The following PLXNC1 variants were observed in gnomAD, a reference collection of about 807,000 sequenced individuals.
The protein encoded by PLXNC1 is plexin C1.
A neutral mutation model predicts 178.2 loss-of-function variants in PLXNC1; 75 were observed. The ratio of observed to expected loss-of-function variants is 0.42; its 90% CI spans 0.35 to 0.51. The LOEUF (loss-of-function observed/expected upper bound fraction) is 0.51. Ranked by LOEUF, PLXNC1 falls within the 20% of genes least tolerant of loss-of-function variation. The pLI is 0.02. For missense variants in PLXNC1, 1,503 were observed against 1,984.4 expected (o/e 0.76, Z 4.61); for synonymous variants, 790 against 779.9 (o/e 1.01, Z -0.22).
chr12:94,189,333 G>A (rs1189441347), intron 4 of PLXNC1, among the ~76,000 whole-genome samples: 5 of 152,170 alleles, frequency 3.3e-5, no homozygotes, highest in Non-Finnish European at 4.4e-5. Flanking sequence ...CCTGATAGGG[G>A]TAGGGATGTG....
intron 21 of PLXNC1, chr12:94,277,118 G>A (rs1308352465): frequency 1.3e-5 from 2 of 152,148 alleles, no homozygotes; most frequent in African/African-American, 4.8e-5. Context: ...CACAGTTCTG[G>A]AGGATGAGAA....
Position 94,307,654 on chromosome 12 carries a change from T to A in PLXNC1, c.*2369T>A, listed in dbSNP as rs1969197294. 1 of 151,118 alleles carries A rather than the reference T, an allele frequency of 6.6e-6. No individual in the cohort carries two copies. Among genetic ancestry groups the A allele is most frequent in the Non-Finnish European group, 1.5e-5 (1 of 67,866 alleles). The allele number at this position is 151,118 out of a possible 1,614,324, so 9.4% of individuals were successfully genotyped here. ...GTTTTAAATGTCTATATCCAAAAAA[T>A]AAACATTTTGATGTAACTGTGGACT... On this transcript the variant is annotated 3_prime_UTR_variant, in exon 31 of 31. Transcript: ENST00000258526.
intron 1 of PLXNC1, among the ~76,000 whole-genome samples, chr12:94,158,725 C>T (rs2361356): frequency 0.05 from 7,679 of 152,172 alleles, 238 homozygotes; most frequent in Middle Eastern, 0.068. Flanking sequence ...CGCTTGAGCC[C>T]GGGAGTTAAA....
At chr12:94,221,343 G>C (rs1240064486) in intron 6 of PLXNC1, among the ~76,000 whole-genome samples, 2 of 152,100 alleles carry the variant, frequency 1.3e-5, no homozygotes, top group East Asian at 3.9e-4. Context: ...CCAAGTGAGA[G>C]AGAAAGTGAA....
chr12:94,199,232 AC>A (rs1299164547), intron 4 of PLXNC1, among the ~76,000 whole-genome samples: 1 of 152,164 alleles, frequency 6.6e-6, no homozygotes, highest in East Asian at 1.9e-4. Context: ...ACAATTTGAG[AC>A]AGAAGAGCCT....
rs1163324413 is a variant in PLXNC1, at chr12:94,260,140, C to A, written c.3251+406C>A. On this transcript the variant is annotated intron_variant, in intron 19 of 30. Coordinates refer to ENST00000258526, the MANE Select transcript of PLXNC1 (RefSeq NM_005761.3). This position sits in a 1 kb window ranked among gnomAD's most constrained non-coding sequence, Gnocchi z 4.4. ...TGATCATAGGTCACTGCAGCCTCATCCTCCTGGGCTCAAGCTACCCTCCTG... is the reference window on the plus strand; with the variant it reads ...TGATCATAGGTCACTGCAGCCTCATACTCCTGGGCTCAAGCTACCCTCCTG... Among the ~76,000 whole-genome samples, 1 of 152,096 alleles carries A rather than the reference C, an allele frequency of 6.6e-6. No homozygotes were observed. The highest frequency in any genetic ancestry group is 1.5e-5 in the Non-Finnish European group (1 of 68,010).
intron 9 of PLXNC1, among the ~76,000 whole-genome samples, chr12:94,232,990 A>G (rs1351316460): frequency 6.6e-6 from 1 of 152,206 alleles, no homozygotes; most frequent in East Asian, 1.9e-4. Flanking sequence ...TACTGATGAT[A>G]TTAATAAAAG....
intron 12 of PLXNC1, among the ~76,000 whole-genome samples, chr12:94,246,938 C>T (rs899958082): frequency 1.3e-5 from 2 of 152,098 alleles, no homozygotes; most frequent in African/African-American, 2.4e-5. Flanking sequence ...TGATAAATTT[C>T]TTTTTATGAG....
intron 20 of PLXNC1, 131 bp from the exon 21 acceptor site, chr12:94,264,948 C>A (rs1043871172): frequency 2.1e-5 from 19 of 906,272 alleles, no homozygotes; most frequent in South Asian, 1.0e-4. Context: ...CGTGTATTTT[C>A]TTGGGCGTTT....
In PLXNC1 at chr12:94,149,411, T is replaced by C. The variant is rs1592710675; in HGVS notation, c.440T>C (p.Leu147Pro). 1 of 1,436,846 alleles carries C rather than the reference T, an allele frequency of 7.0e-7. No individual in the cohort carries two copies. Among genetic ancestry groups the C allele is most frequent in the Non-Finnish European group, 9.0e-7 (1 of 1,104,996 alleles). The allele number at this position is 1,436,846 out of a possible 1,614,324, so 89.0% of individuals were successfully genotyped here. A position where few individuals can be genotyped will look rare whatever the true frequency, so the allele number is the denominator to read the frequency against. ...RPLGNLSRNSLRNGTEVVSCH... is the reference protein window; with the variant it reads ...RPLGNLSRNSPRNGTEVVSCH... ...CTGGGCAACCTGAGCCGCAACTCCCTGCGCAACGGCACCGAGGTGGTGTCG... is the reference window on the plus strand; with the variant it reads ...CTGGGCAACCTGAGCCGCAACTCCCCGCGCAACGGCACCGAGGTGGTGTCG... The change falls in exon 1 of 31, where the codon CTG becomes CCG. Residue 147 changes from leucine to proline, a missense_variant. This residue lies in a region of PLXNC1 where 73 missense variants were observed against 125.4 expected (regional missense o/e 0.58). Coordinates refer to ENST00000258526, the MANE Select transcript of PLXNC1 (RefSeq NM_005761.3).
intron 4 of PLXNC1, among the ~76,000 whole-genome samples, chr12:94,192,580 A>G (rs1443985219): frequency 1.3e-5 from 2 of 152,012 alleles, no homozygotes; most frequent in African/African-American, 4.8e-5. Flanking sequence ...GGTGGGGTCA[A>G]TGTCAAGCTG....
chr12:94,165,936 A>G (rs1961591396), intron 1 of PLXNC1, among the ~76,000 whole-genome samples: 1 of 152,012 alleles, frequency 6.6e-6, no homozygotes, highest in Non-Finnish European at 1.5e-5. Flanking sequence ...TCTGTTATCA[A>G]TGAGGAAACT....
rs532136392 is a variant in PLXNC1 at position 94,163,282 on chromosome 12, C to T, written c.1063-5871C>T. ...CTGAGGCAGGAGAATCGCTTGAACC[C>T]GGGAGTCAGAGGTTGCCGTGAGCCG... On this transcript the variant is annotated intron_variant, in intron 1 of 30. Transcript: ENST00000258526. 4.6e-5 allele frequency among the ~76,000 whole-genome samples: 7 copies of T among 152,092 alleles called. No homozygotes were observed. In the East Asian group the frequency reaches 1.2e-3, roughly 25 times the overall value.
At chr12:94,173,511 C>G (rs1961926303) in intron 2 of PLXNC1, among the ~76,000 whole-genome samples, 1 of 152,164 alleles carries the variant, frequency 6.6e-6, no homozygotes, top group Non-Finnish European at 1.5e-5. Flanking sequence ...GGCATTAGAA[C>G]CAGCATCTGC....
At chr12:94,295,986 G>A in intron 24 of PLXNC1, among the ~76,000 whole-genome samples, 1 of 152,176 alleles carries the variant, frequency 6.6e-6, no homozygotes, top group East Asian at 1.9e-4. Context: ...CTTCCTTGAT[G>A]CTTGTAGGCT....
At chr12:94,175,916 G>C (rs1393827057) in intron 2 of PLXNC1, among the ~76,000 whole-genome samples, 1 of 152,230 alleles carries the variant, frequency 6.6e-6, no homozygotes, top group African/African-American at 2.4e-5. Flanking sequence ...GATGGGTAGA[G>C]AGTGACAGAG....
rs1286586520 is a variant in PLXNC1 at position 94,306,825 on chromosome 12, C to G, written c.*1540C>G. 1 of 152,170 alleles carries G rather than the reference C, an allele frequency of 6.6e-6. No homozygotes were observed. Among genetic ancestry groups the G allele is most frequent in the Non-Finnish European group, 1.5e-5 (1 of 68,044 alleles). 9.4% of individuals were successfully genotyped at this position (152,170 alleles called of 1,614,324 possible). ...TCAGAGAAAATAAGCAGTTACTACC[C>G]TGATAGGCACCTTCCCAATCCTGTT... On this transcript the variant is annotated 3_prime_UTR_variant, in exon 31 of 31. Transcript: ENST00000258526.
chr12:94,303,749 T>TC lies in PLXNC1; in HGVS notation c.4387-3dup, dbSNP rs67648319. ...GATGGTTGCTTTTTTTTTTTTTTTT[T>TC]CCCCAGGAAGCACCAACTAATAAGC... On this transcript the variant is annotated splice_polypyrimidine_tract_variant and splice_region_variant and intron_variant, in intron 28 of 30. Transcript: ENST00000258526. 0.014 allele frequency: 18,675 copies of TC among 1,338,346 alleles called. 104 individuals carry two copies. The highest frequency in any genetic ancestry group is 0.026 in the Admixed American group (863 of 33,236). The allele number at this position is 1,338,346 out of a possible 1,614,324, so 82.9% of individuals were successfully genotyped here.
chr12:94,254,590 G>A, intron 15 of PLXNC1, 197 bp from the exon 16 acceptor site: 1 of 692,182 alleles, frequency 1.4e-6, no homozygotes, highest in East Asian at 2.7e-5. Context: ...CCTCTTCAGA[G>A]TGACCCCTCA....
Sources: allele counts gnomAD v4.1 joint callset (sites outside exome capture counted in the v4.1 genomes callset), GRCh38; gene constraint gnomAD v4.1.1; regional missense constraint gnomAD v4.1.1; non-coding constraint Gnocchi (gnomAD v3.1); transcripts MANE v1.5; gene names NCBI Gene and HGNC (gene_info 2026-07-23, HGNC 2026-07-21).